DIXDC1: variants seen among roughly 807,000 people sequenced by gnomAD.
The protein encoded by DIXDC1 is dixin.
In DIXDC1, 64 loss-of-function variants were observed where a neutral mutation model predicts 103.1. That is an observed-to-expected ratio of 0.62 (90% CI 0.51 to 0.76). The LOEUF is 0.76. Among genes scored for constraint, DIXDC1 ranks in the 30% least tolerant of loss-of-function variants. The pLI, the probability that DIXDC1 is intolerant of heterozygous loss-of-function variation, is 0.00. For missense variants in DIXDC1, 759 were observed against 834.2 expected (o/e 0.91, Z 1.11); for synonymous variants, 266 against 298.5 (o/e 0.89, Z 1.12).
At position 111,999,817 on chromosome 11, in the gene DIXDC1, C is replaced by G. The variant is rs185835617; in HGVS notation, c.1756+3671C>G. On this transcript the variant is annotated intron_variant, in intron 17 of 19. Transcript: ENST00000440460. ...GAGGCAGAAGTTGCGGTGAGCTGCTCCAGCCTGGGTGATAGAGTGAAACTC... is the reference window on the plus strand; with the variant it reads ...GAGGCAGAAGTTGCGGTGAGCTGCTGCAGCCTGGGTGATAGAGTGAAACTC... Among the ~76,000 whole-genome samples, 1,099 of 151,700 alleles carry G rather than the reference C, an allele frequency of 7.2e-3. 11 individuals carry two copies. Among genetic ancestry groups the G allele is most frequent in the Non-Finnish European group, 7.5e-3 (509 of 67,916 alleles).
chr11:111,974,483 T>G (rs1860034420), intron 4 of DIXDC1: 3 of 551,926 alleles, frequency 5.4e-6, no homozygotes, highest in Non-Finnish European at 9.3e-6. Flanking sequence ...ATGTGTAAGT[T>G]TTTGCTCTGG....
chr11:112,016,348 CAG>C (rs1172324754), intron 17 of DIXDC1, among the ~76,000 whole-genome samples: 2 of 152,112 alleles, frequency 1.3e-5, no homozygotes, highest in East Asian at 1.9e-4. Flanking sequence ...TAAATATTGG[CAG>C]AGTCTACAGC....
rs1423009035 is a variant in DIXDC1, at chr11:111,958,036, C to G, written c.61-6513C>G. Among the ~76,000 whole-genome samples the G allele has an allele frequency of 6.6e-6, 1 of 152,156 alleles. No individual in the cohort carries two copies. The highest frequency in any genetic ancestry group is 1.5e-5 in the Non-Finnish European group (1 of 68,014). ...GCTCTCTGGGTGCAGCTGCAGCTGT[C>G]CAGCTGTAGCTGCAGACCTGGGCAT... On this transcript the variant is annotated intron_variant, in intron 1 of 19. Coordinates refer to ENST00000440460, the MANE Select transcript of DIXDC1 (RefSeq NM_001037954.4). The surrounding 1 kb of genome is among the most constrained non-coding windows in gnomAD (Gnocchi z 4.2).
intron 1 of DIXDC1, chr11:111,927,400 A>AG (rs1488541484): frequency 6.6e-6 from 1 of 152,630 alleles, no homozygotes; most frequent in Non-Finnish European, 1.5e-5. Flanking sequence ...AGGTGCTGAA[A>AG]GGTGGCGAGT....
At chr11:111,988,497 A>G (rs1458772441) in intron 9 of DIXDC1, among the ~76,000 whole-genome samples, 1 of 152,192 alleles carries the variant, frequency 6.6e-6, no homozygotes, top group East Asian at 1.9e-4. Context: ...AATGTTAATT[A>G]CTCAGTATTT....
intron 9 of DIXDC1, among the ~76,000 whole-genome samples, chr11:111,988,045 G>A (rs1592600258): frequency 6.6e-6 from 1 of 151,624 alleles, no homozygotes; most frequent in Non-Finnish European, 1.5e-5. Context: ...TGTCACCCAG[G>A]CTGAGTGCCA....
Position 111,977,762 on chromosome 11 carries a change from G to A in DIXDC1, c.656+2779G>A. 1.3e-6 allele frequency: 2 copies of A among 1,566,460 alleles called. No homozygotes were observed. The highest frequency in any genetic ancestry group is 1.7e-6 in the Non-Finnish European group (2 of 1,156,002). ...GCAGGCTTGCTGAAGCCCGAGACAG[G>A]AGGGGGACCATGGGAGGGACGCAAG... On this transcript the variant is annotated intron_variant, in intron 5 of 19. Coordinates refer to ENST00000440460, the MANE Select transcript of DIXDC1 (RefSeq NM_001037954.4). This position sits in a 1 kb window ranked among gnomAD's most constrained non-coding sequence, Gnocchi z 6.1.
At chr11:111,987,625 T>TA (rs1359003524) in intron 9 of DIXDC1, among the ~76,000 whole-genome samples, 3 of 151,890 alleles carry the variant, frequency 2.0e-5, no homozygotes, top group Non-Finnish European at 4.4e-5. Context: ...CCTAGAAGTA[T>TA]GCATGTATGT....
intron 12 of DIXDC1, among the ~76,000 whole-genome samples, 180 bp downstream of exon 12, chr11:111,993,184 G>A (rs1241268156): frequency 6.6e-6 from 1 of 152,066 alleles, no homozygotes; most frequent in African/African-American, 2.4e-5. Context: ...AAGAATAGAT[G>A]GCACAGCTAG....
chr11:111,997,384 G>T (rs1860936220), intron 17 of DIXDC1, among the ~76,000 whole-genome samples: 1 of 151,850 alleles, frequency 6.6e-6, no homozygotes, highest in Non-Finnish European at 1.5e-5. Flanking sequence ...TGCCCAGGCT[G>T]GAGTGCAGTG....
At chr11:111,953,453 A>G (rs889835187) in intron 1 of DIXDC1, among the ~76,000 whole-genome samples, 1 of 152,138 alleles carries the variant, frequency 6.6e-6, no homozygotes, top group African/African-American at 2.4e-5. Flanking sequence ...CCTGGCCAAC[A>G]TGGTGAAACC....
At chr11:111,999,398 G>A (rs1419656134) in intron 17 of DIXDC1, among the ~76,000 whole-genome samples, 1 of 152,076 alleles carries the variant, frequency 6.6e-6, no homozygotes, top group Non-Finnish European at 1.5e-5. Flanking sequence ...CATGAAATGG[G>A]ACCCCCTACT....
At chr11:111,971,867 C>T (rs1303420828) in intron 3 of DIXDC1, among the ~76,000 whole-genome samples, 1 of 152,004 alleles carries the variant, frequency 6.6e-6, no homozygotes, top group African/African-American at 2.4e-5. Context: ...AATGCAGAAC[C>T]AGCAAATCAA....
intron 2 of DIXDC1, 75 bp from the exon 3 acceptor site, chr11:111,968,437 TC>T (rs1859806026): frequency 6.7e-7 from 1 of 1,490,856 alleles, no homozygotes; most frequent in African/African-American, 1.4e-5. Context: ...AATCTTCCCT[TC>T]CTCTGTGTCT....
At chr11:111,949,323 G>A (rs1213036328) in intron 1 of DIXDC1, among the ~76,000 whole-genome samples, 2 of 152,112 alleles carry the variant, frequency 1.3e-5, no homozygotes, top group Admixed American at 6.5e-5. Context: ...TCTCAAAACC[G>A]AGCCATTGAC....
In DIXDC1 at chr11:111,937,503, C is replaced by T. The variant is rs1555168325; in HGVS notation, c.4C>T (p.Leu2=). Residue 2 remains leucine (L), a synonymous_variant, in exon 1 of 20, where the codon CTA becomes TTA. Coordinates refer to ENST00000440460, the MANE Select transcript of DIXDC1 (RefSeq NM_001037954.4). M[L]ACLTRGNLLD... is the part of the protein sequence containing the mutation. ...CGGGGAGCCCCCAGCAGGAACAATG[C>T]TAGCCTGCCTGACCCGAGGGAACTT... The T allele has an allele frequency of 1.3e-6, 2 of 1,589,096 alleles. No homozygotes were observed. Among genetic ancestry groups the T allele is most frequent in the South Asian group, 1.1e-5 (1 of 87,002 alleles).
chr11:111,986,936 C>T lies in DIXDC1; in HGVS notation c.1062+12C>T. ...ATCAGGACTTAAAGGTATGTCAAGA[C>T]ATGTACATTTTACCCCTTAAAAACA... On this transcript the variant is annotated intron_variant, in intron 9 of 19. Transcript: ENST00000440460. 1.3e-6 allele frequency: 2 copies of T among 1,564,518 alleles called. No individual in the cohort carries two copies. The highest frequency in any genetic ancestry group is 1.7e-6 in the Non-Finnish European group (2 of 1,152,580).
chr11:111,943,763 G>A (rs1966501605), intron 1 of DIXDC1, among the ~76,000 whole-genome samples: 1 of 151,810 alleles, frequency 6.6e-6, no homozygotes, highest in Non-Finnish European at 1.5e-5. Context: ...GCCTCCCAAA[G>A]TGCTGGGATT....
At chr11:112,013,481 T>G (rs77616711) in intron 17 of DIXDC1, among the ~76,000 whole-genome samples, 238 of 152,278 alleles carry the variant, frequency 1.6e-3, no homozygotes, top group Admixed American at 2.6e-3. Context: ...CTCTAATACT[T>G]GATACATAAT....
Sources: gnomAD v4.1 joint callset for allele counts (sites outside exome capture counted in the v4.1 genomes callset) on GRCh38, gnomAD v4.1.1 for gene constraint, Gnocchi (gnomAD v3.1) non-coding constraint, MANE v1.5 for transcripts, NCBI Gene and HGNC (gene_info 2026-07-23, HGNC 2026-07-21) for gene names.